GPR137C: variants seen among roughly 807,000 people sequenced by gnomAD.
GPR137C encodes G protein-coupled receptor 137C, also known as integral membrane protein GPR137C.
GPR137C carries 27 observed loss-of-function variants against 43.4 expected under a neutral mutation model. That is an observed-to-expected ratio of 0.62 (90% CI 0.46 to 0.86). The LOEUF (loss-of-function observed/expected upper bound fraction) is 0.86. Among genes scored for constraint, GPR137C ranks in the 40% least tolerant of loss-of-function variants. The pLI is 0.00. For synonymous variants in GPR137C, 285 were observed against 226.9 expected (o/e 1.26, Z -2.30); for missense variants, 522 against 534.6 (o/e 0.98, Z 0.23).
chr14:52,614,372 C>T (rs566744642), intron 3 of GPR137C, among the ~76,000 whole-genome samples: 2 of 152,136 alleles, frequency 1.3e-5, no homozygotes, highest in Non-Finnish European at 2.9e-5. Context: ...CTGCCCACCT[C>T]GGCCTTCCAA....
chr14:52,581,443 G>A (rs1336991431), intron 1 of GPR137C, among the ~76,000 whole-genome samples: 2 of 151,724 alleles, frequency 1.3e-5, no homozygotes, highest in Non-Finnish European at 2.9e-5. Flanking sequence ...GGCTGAGGCA[G>A]GAGAATTGTT....
chr14:52,619,945 A>G (rs2039141424), intron 3 of GPR137C, among the ~76,000 whole-genome samples: 2 of 152,194 alleles, frequency 1.3e-5, no homozygotes, highest in Non-Finnish European at 2.9e-5. Flanking sequence ...AAAAAAATAC[A>G]TGCACGATTC....
At chr14:52,557,183 T>C (rs981537992) in intron 1 of GPR137C, among the ~76,000 whole-genome samples, 1 of 152,198 alleles carries the variant, frequency 6.6e-6, no homozygotes, top group African/African-American at 2.4e-5. Flanking sequence ...ATTTTACATA[T>C]TTTTATCTCC....
chr14:52,565,388 A>G (rs943532578), intron 1 of GPR137C, among the ~76,000 whole-genome samples: 5 of 152,206 alleles, frequency 3.3e-5, no homozygotes, highest in Non-Finnish European at 5.9e-5. Context: ...CATCAAAGTT[A>G]GTTAAAATGA....
intron 2 of GPR137C, among the ~76,000 whole-genome samples, chr14:52,598,621 C>A (rs1346166248): frequency 6.6e-6 from 1 of 152,006 alleles, no homozygotes; most frequent in Non-Finnish European, 1.5e-5. Flanking sequence ...TCCACTTTTG[C>A]CAAAGTTAGA....
rs556636863 is a variant in GPR137C, at chr14:52,634,954, A to C, written c.1129A>C (p.Ser377Arg). ...TTGTTGCAGTTTACCAAATTCGCAA[A>C]GTTTGGGCTGGTATGGCACCATGAC... ...SREGSLPNSQ[S>R]LGWYGTMTGC... The change falls in exon 7 of 7, where the codon AGT (serine) becomes CGT (arginine). Residue 377 changes from serine (S) to arginine (R), a missense_variant. Physicochemically the swap from Ser to Arg is moderately radical, Grantham distance 110 (BLOSUM62 -1). This residue lies in a region of GPR137C where 67 missense variants were observed against 69.0 expected (regional missense o/e 0.97). Coordinates refer to ENST00000321662, the MANE Select transcript of GPR137C (RefSeq NM_001099652.2). 6.2e-7 allele frequency: 1 copy of C among 1,611,990 alleles called. No individual in the cohort carries two copies. Among genetic ancestry groups the C allele is most frequent in the South Asian group, 1.1e-5 (1 of 90,600 alleles).
Position 52,553,385 on chromosome 14 carries a change from A to G in GPR137C, c.238A>G (p.Ser80Gly), listed in dbSNP as rs1393047191. The G allele has an allele frequency of 6.2e-7, 1 of 1,606,070 alleles. No individual in the cohort carries two copies. The change falls in exon 1 of 7, where the codon AGT becomes GGT. Residue 80 changes from serine (S) to glycine (G), a missense_variant. Physicochemically the swap from Ser to Gly is moderately conservative, Grantham distance 56. This residue lies in a region of GPR137C where 437 missense variants were observed against 425.7 expected (regional missense o/e 1.03). Transcript: ENST00000321662. ...GCTCCTGTACCGCGAGCGGCGGCTG[A>G]GTTACCAGAGCCTCTGCCTCTTCCT... The part of the protein sequence containing the change: ...RLLLYRERRL[S>G]YQSLCLFLCL...
rs188910950 is a variant in GPR137C, at chr14:52,564,978, G to A, written c.444+11387G>A. On this transcript the variant is annotated intron_variant, in intron 1 of 6. Transcript: ENST00000321662. ...TAAAACAAAAGTCCCAAAATCAGAT[G>A]CCTAGAGGGACCTGAATGCTACAAC... Among the ~76,000 whole-genome samples the A allele has an allele frequency of 7.9e-5, 12 of 152,176 alleles. No homozygotes were observed. In the East Asian group the frequency reaches 2.3e-3, roughly 29 times the overall value.
At chr14:52,605,879 C>T (rs146668692) in intron 3 of GPR137C, among the ~76,000 whole-genome samples, 109 of 152,272 alleles carry the variant, frequency 7.2e-4, no homozygotes, top group African/African-American at 2.6e-3. Context: ...TTCCTTGCAT[C>T]CCTGGGATGA....
intron 3 of GPR137C, among the ~76,000 whole-genome samples, chr14:52,620,556 A>G (rs1012214494): frequency 6.6e-6 from 1 of 151,986 alleles, no homozygotes; most frequent in African/African-American, 2.4e-5. Context: ...AGAAACAGGA[A>G]ATACATACTC....
intron 1 of GPR137C, among the ~76,000 whole-genome samples, chr14:52,585,776 A>T (rs572651097): frequency 9.2e-5 from 14 of 152,308 alleles, no homozygotes; most frequent in African/African-American, 3.4e-4. Flanking sequence ...CAGAGGTTGC[A>T]GTGAGCTGAG....
intron 3 of GPR137C, among the ~76,000 whole-genome samples, chr14:52,605,583 GT>G (rs1411208436): frequency 6.6e-6 from 1 of 152,158 alleles, no homozygotes; most frequent in African/African-American, 2.4e-5. Flanking sequence ...CCAGTACTAT[GT>G]TGTGTAAAAG....
chr14:52,564,223 C>T lies in GPR137C; in HGVS notation c.444+10632C>T, dbSNP rs145705840. 4.5e-3 allele frequency among the ~76,000 whole-genome samples: 630 copies of T among 139,454 alleles called. 4 individuals are homozygous for T. Among genetic ancestry groups the T allele is most frequent in the African/African-American group, 0.016 (577 of 36,114 alleles). The allele number at this position is 139,454 out of a possible 152,430, so 91.5% of individuals were successfully genotyped here. On this transcript the variant is annotated intron_variant, in intron 1 of 6. Transcript: ENST00000321662. The stretch of plus-strand genomic sequence containing the variant: ...CTGGGAGGCAGAGGTTGCAGTGAGC[C>T]GAGATCGCATCACTGCACTCCACCC...
intron 1 of GPR137C, among the ~76,000 whole-genome samples, chr14:52,560,447 T>C (rs983128563): frequency 6.6e-6 from 1 of 152,162 alleles, no homozygotes; most frequent in Non-Finnish European, 1.5e-5. Flanking sequence ...AGGGACTTAG[T>C]GTAGCTGAAA....
Position 52,635,045 on chromosome 14 carries a change from C to T in GPR137C, c.1220C>T (p.Pro407Leu). 1 of 1,609,778 alleles carries T rather than the reference C, an allele frequency of 6.2e-7. No individual in the cohort carries two copies. The highest frequency in any genetic ancestry group is 8.5e-7 in the Non-Finnish European group (1 of 1,178,472). ...AATGGACCTATGACAGATACTGCTC[C>T]TTTGCTCTTTACTTGTAGTAATTTA... Reference protein sequence around the residue: ...HLNGPMTDTAPLLFTCSNLDL... With the variant: ...HLNGPMTDTALLLFTCSNLDL... The change falls in exon 7 of 7, where the codon CCT becomes CTT. Residue 407 changes from proline (P) to leucine (L), a missense_variant. By Grantham distance (98) the Pro-to-Leu change is moderately conservative. Coordinates refer to ENST00000321662, the MANE Select transcript of GPR137C (RefSeq NM_001099652.2).
In GPR137C at chr14:52,553,158, C is replaced by G. The variant is rs1283432193; in HGVS notation, c.11C>G (p.Ser4Cys). ...GCCCCCAGCCCCCTCATGAGGGTGT[C>G]CGTGCCGGGTCCGGCGGCCGCTGCC... Reference protein sequence around the residue: MRVSVPGPAAAAAP... With the variant: MRVCVPGPAAAAAP... The change falls in exon 1 of 7, where the codon TCC (serine) becomes TGC (cysteine). Residue 4 changes from serine (S) to cysteine (C), a missense_variant. Physicochemically the swap from Ser to Cys is moderately radical, Grantham distance 112 (BLOSUM62 -1). Around this residue, in one of 3 missense-constraint regions of GPR137C, gnomAD observed 437 missense variants for 425.7 expected, o/e 1.03. Coordinates refer to ENST00000321662, the MANE Select transcript of GPR137C (RefSeq NM_001099652.2). 4 of 1,172,116 alleles carry G rather than the reference C, an allele frequency of 3.4e-6. No individual in the cohort carries two copies. Among genetic ancestry groups the G allele is most frequent in the Non-Finnish European group, 4.2e-6 (4 of 952,122 alleles). The allele number at this position is 1,172,116 out of a possible 1,614,324, so 72.6% of individuals were successfully genotyped here.
At chr14:52,579,407 C>T (rs2038611958) in intron 1 of GPR137C, among the ~76,000 whole-genome samples, 1 of 152,140 alleles carries the variant, frequency 6.6e-6, no homozygotes, top group African/African-American at 2.4e-5. Flanking sequence ...CAGCTTTTAT[C>T]TACCCGTTTT....
intron 3 of GPR137C, 134 bp from the exon 4 acceptor site, chr14:52,632,026 C>T (rs2039300326): frequency 1.8e-6 from 1 of 558,782 alleles, no homozygotes; most frequent in East Asian, 3.3e-5. Context: ...GCAAGATAAT[C>T]AAGAGTTTAT....
At position 52,636,011 on chromosome 14, in the gene GPR137C, C is replaced by A. The variant is rs967483177; in HGVS notation, c.*896C>A. On this transcript the variant is annotated 3_prime_UTR_variant, in exon 7 of 7. Transcript: ENST00000321662. ...ATATATTTTCAAAAGCATTTGATTT[C>A]TCTGAAGCATGATATAGCTGGTCTT... is the stretch of plus-strand genomic sequence containing the variant. The A allele has an allele frequency of 5.9e-5, 9 of 152,182 alleles. No individual in the cohort carries two copies. The highest frequency in any genetic ancestry group is 1.3e-4 in the Admixed American group (2 of 15,252). 9.4% of individuals were successfully genotyped at this position (152,182 alleles called of 1,614,324 possible).
Sources: allele counts gnomAD v4.1 joint callset (sites outside exome capture counted in the v4.1 genomes callset), GRCh38; gene constraint gnomAD v4.1.1; regional missense constraint gnomAD v4.1.1; transcripts MANE v1.5; gene names NCBI Gene and HGNC (gene_info 2026-07-23, HGNC 2026-07-21).